The following TENM4 variants were observed in gnomAD, a reference collection of about 807,000 sequenced individuals.
The protein encoded by TENM4 is teneurin transmembrane protein 4, also known as teneurin-4.
Under a neutral mutation model 243.3 loss-of-function variants are expected in TENM4, and 82 were observed. The ratio of observed to expected loss-of-function variants is 0.34; its 90% confidence interval spans 0.28 to 0.40. The LOEUF (loss-of-function observed/expected upper bound fraction) is 0.40, where lower values mean the gene tolerates loss of function less well. Ranked by LOEUF, TENM4 falls within the 10% of genes least tolerant of loss-of-function variation. TENM4 has a pLI of 1.00. For synonymous variants in TENM4, 1,412 were observed against 1,456.3 expected, an observed-to-expected ratio of 0.97 and a Z score of 0.69; for missense variants, 3,138 against 3,673.3, an observed-to-expected ratio of 0.85 and a Z score of 3.77.
At chr11:79,169,436 G>T (rs905843167) in intron 3 of TENM4, among the ~76,000 whole-genome samples, 1 of 152,120 alleles carries the variant, frequency 6.6e-6, no homozygotes, top group Non-Finnish European at 1.5e-5. Flanking sequence ...CTCAGAGCCA[G>T]GGCATATTGG....
In TENM4 at chr11:78,669,017, T is replaced by A; in HGVS notation, c.7328A>T (p.Asn2443Ile). ...HELWKHLSSS[N>I]VMPFNLYMFK... ...CATATAGAGATTAAAAGGCATGACGTTGCTGCTACTAAGGTGCTTCCACAG... is the reference window on the plus strand; with the variant it reads ...CATATAGAGATTAAAAGGCATGACGATGCTGCTACTAAGGTGCTTCCACAG... Residue 2443 changes from asparagine to isoleucine, a missense_variant, in exon 32 of 34, where the codon AAC (asparagine) becomes ATC (isoleucine). Transcript: ENST00000278550. The surrounding 1 kb of genome is among the most constrained non-coding windows in gnomAD (Gnocchi z 6.4). 6.2e-7 allele frequency: 1 copy of A among 1,613,962 alleles called. No homozygotes were observed. Among genetic ancestry groups the A allele is most frequent in the East Asian group, 2.2e-5 (1 of 44,878 alleles).
chr11:79,235,315 C>CAA (rs201184142), intron 2 of TENM4, among the ~76,000 whole-genome samples: 1 of 148,820 alleles, frequency 6.7e-6, no homozygotes, highest in African/African-American at 2.5e-5. Context: ...ACTCCGTCTC[C>CAA]AAAAAAAAAT....
At position 79,058,208 on chromosome 11, in the gene TENM4, G is replaced by A. The variant is rs146939170; in HGVS notation, c.493+6530C>T. ...TTTTTTGGGTTGAGCTAACATGAAC[G>A]TGTCTCTATAAAACAAAAAAGACTG... On this transcript the variant is annotated intron_variant, in intron 6 of 33. Transcript: ENST00000278550. 2.9e-3 allele frequency among the ~76,000 whole-genome samples: 448 copies of A among 152,238 alleles called. 7 individuals carry two copies. Among genetic ancestry groups the A allele is most frequent in the Non-Finnish European group, 4.7e-4 (32 of 68,008 alleles).
At chr11:78,972,498 G>T (rs923772886) in intron 6 of TENM4, among the ~76,000 whole-genome samples, 1 of 152,096 alleles carries the variant, frequency 6.6e-6, no homozygotes, top group African/African-American at 2.4e-5. Context: ...TGTTTGTCAG[G>T]AACAGACCTC....
intron 6 of TENM4, among the ~76,000 whole-genome samples, chr11:78,997,216 G>T (rs2136686824): frequency 2.0e-5 from 3 of 152,294 alleles, no homozygotes; most frequent in African/African-American, 7.2e-5. Flanking sequence ...TTAGGAAAGT[G>T]GCCCTAAAAT....
chr11:78,777,183 T>C (rs1045317761), intron 17 of TENM4, among the ~76,000 whole-genome samples: 7 of 152,158 alleles, frequency 4.6e-5, no homozygotes, highest in East Asian at 1.9e-4. Flanking sequence ...CTAATGATAA[T>C]GTGTGAAATG....
chr11:79,012,962 G>C (rs1479782677), intron 6 of TENM4, among the ~76,000 whole-genome samples: 1 of 152,188 alleles, frequency 6.6e-6, no homozygotes, highest in Non-Finnish European at 1.5e-5. Flanking sequence ...GAAGACCAAA[G>C]AGAGGAGTCC....
intron 6 of TENM4, among the ~76,000 whole-genome samples, chr11:78,972,274 C>G (rs1857560474): frequency 6.6e-6 from 1 of 152,136 alleles, no homozygotes; most frequent in South Asian, 2.1e-4. Context: ...TCTTGTGGGT[C>G]TTACTCCCCT....
At chr11:78,684,876 G>A (rs1051893456) in intron 29 of TENM4, among the ~76,000 whole-genome samples, 3 of 152,146 alleles carry the variant, frequency 2.0e-5, no homozygotes, top group Admixed American at 6.5e-5. Context: ...TATCATCATC[G>A]TTAGGATTAT....
intron 6 of TENM4, among the ~76,000 whole-genome samples, chr11:78,949,328 G>C (rs1857068479): frequency 6.6e-6 from 1 of 152,176 alleles, no homozygotes. Context: ...GTACTCTAGG[G>C]ACCAGCTCAG....
chr11:78,822,607 G>C (rs1390719475), intron 12 of TENM4, among the ~76,000 whole-genome samples: 1 of 152,176 alleles, frequency 6.6e-6, no homozygotes, highest in African/African-American at 2.4e-5. Context: ...AGGATAAATA[G>C]TTAAGGCATG....
intron 8 of TENM4, among the ~76,000 whole-genome samples, chr11:78,890,350 T>TG (rs1855635374): frequency 6.6e-6 from 1 of 152,230 alleles, no homozygotes; most frequent in African/African-American, 2.4e-5. Context: ...GCTGGGATAC[T>TG]GTTTCTTGGG....
intron 8 of TENM4, among the ~76,000 whole-genome samples, chr11:78,891,032 G>C (rs1030862534): frequency 1.3e-5 from 2 of 152,200 alleles, no homozygotes; most frequent in Non-Finnish European, 2.9e-5. Flanking sequence ...GCCAAGAGCT[G>C]CATATTAACA....
At chr11:79,047,705 G>C (rs1175194603) in intron 6 of TENM4, among the ~76,000 whole-genome samples, 1 of 152,138 alleles carries the variant, frequency 6.6e-6, no homozygotes, top group Admixed American at 6.5e-5. Flanking sequence ...TGCAGGTTCG[G>C]AGTCAGGCGG....
At chr11:79,198,572 C>T (rs1863681162) in intron 3 of TENM4, among the ~76,000 whole-genome samples, 1 of 152,240 alleles carries the variant, frequency 6.6e-6, no homozygotes, top group African/African-American at 2.4e-5. Context: ...CCCAGCACCA[C>T]ACATGTGCTC....
chr11:78,661,288 AGTG>A (rs1427550875), intron 33 of TENM4, among the ~76,000 whole-genome samples, 158 bp downstream of exon 33: 1 of 152,138 alleles, frequency 6.6e-6, no homozygotes, highest in Non-Finnish European at 1.5e-5. Context: ...GCAGCTTCCT[AGTG>A]GTGGGTTACT....
chr11:78,754,919 C>A (rs1856271986), intron 19 of TENM4, among the ~76,000 whole-genome samples: 1 of 152,188 alleles, frequency 6.6e-6, no homozygotes, highest in African/African-American at 2.4e-5. Context: ...TCCTTCATCT[C>A]ACCTTTCTCA....
chr11:78,813,976 A>G (rs1456094843), intron 13 of TENM4, among the ~76,000 whole-genome samples: 1 of 152,142 alleles, frequency 6.6e-6, no homozygotes, highest in Non-Finnish European at 1.5e-5. Flanking sequence ...ATAAGAGGAA[A>G]TCAACGTTTT....
intron 25 of TENM4, among the ~76,000 whole-genome samples, chr11:78,717,767 G>A (rs1024100679): frequency 8.5e-5 from 13 of 152,208 alleles, no homozygotes; most frequent in African/African-American, 1.9e-4. Context: ...CCTATTTCCC[G>A]GGACAATTAA....
Sources: allele counts gnomAD v4.1 joint callset (sites outside exome capture counted in the v4.1 genomes callset), GRCh38; gene constraint gnomAD v4.1.1; non-coding constraint Gnocchi (gnomAD v3.1); transcripts MANE v1.5; gene names NCBI Gene and HGNC (gene_info 2026-07-23, HGNC 2026-07-21).